The following AFAP1 variants were observed in gnomAD, a reference collection of about 807,000 sequenced individuals.
AFAP1 encodes actin filament-associated protein 1.
A neutral mutation model predicts 93.9 loss-of-function variants in AFAP1; 75 were observed. The ratio of observed to expected loss-of-function variants is 0.80; its 90% CI spans 0.66 to 0.97. AFAP1 has a LOEUF of 0.97. Ranked by LOEUF, AFAP1 falls within the 50% of genes least tolerant of loss-of-function variation. The pLI, the probability that AFAP1 is intolerant of heterozygous loss-of-function variation, is 0.00. For synonymous variants in AFAP1, 517 were observed against 430.7 expected (o/e 1.20, Z -2.48); for missense variants, 1,201 against 1,050.8 (o/e 1.14, Z -1.98).
At chr4:7,875,010 A>T (rs1474798544) in intron 1 of AFAP1, among the ~76,000 whole-genome samples, 1 of 152,204 alleles carries the variant, frequency 6.6e-6, no homozygotes, top group Non-Finnish European at 1.5e-5. Context: ...GAGACCAAAA[A>T]GTTTCAGATC....
At chr4:7,782,038 G>T (rs1716825003) in intron 12 of AFAP1, among the ~76,000 whole-genome samples, 1 of 152,226 alleles carries the variant, frequency 6.6e-6, no homozygotes, top group South Asian at 2.1e-4. Flanking sequence ...GGATGGAAGG[G>T]GAGGAATGAG....
At position 7,903,538 on chromosome 4, in the gene AFAP1, G is replaced by A. The variant is rs546576210; in HGVS notation, c.-2-31458C>T. ...TACTAAAAATACAAAAATTAGCTGG[G>A]CATGGTGGTGCACACCTGTAATCCC... On this transcript the variant is annotated intron_variant, in intron 1 of 17. Transcript: ENST00000420658. Among the ~76,000 whole-genome samples the A allele has an allele frequency of 1.2e-4, 19 of 152,318 alleles. 1 individual carries two copies. The highest frequency in any genetic ancestry group is 3.4e-3 in the Middle Eastern group (1 of 294).
At chr4:7,768,432 G>A (rs765611095) in intron 17 of AFAP1, among the ~76,000 whole-genome samples, 67 of 152,154 alleles carry the variant, frequency 4.4e-4, no homozygotes, top group Non-Finnish European at 6.5e-4. Flanking sequence ...AGGGGCTGGG[G>A]GAAAGCTTAT....
intron 1 of AFAP1, among the ~76,000 whole-genome samples, chr4:7,923,740 C>T (rs1046583717): frequency 6.6e-6 from 1 of 152,174 alleles, no homozygotes; most frequent in African/African-American, 2.4e-5. Flanking sequence ...GCTGGGATTA[C>T]AGGTGTGAGC....
At chr4:7,785,148 G>A (rs1466859270) in intron 12 of AFAP1, among the ~76,000 whole-genome samples, 1 of 152,124 alleles carries the variant, frequency 6.6e-6, no homozygotes, top group Non-Finnish European at 1.5e-5. Flanking sequence ...CCCAGGGCCG[G>A]GCACCGTGCC....
At position 7,786,302 on chromosome 4, in the gene AFAP1, G is replaced by A. The variant is rs1422913601; in HGVS notation, c.1422C>T (p.Asn474=). ...QTAKQTFCFM[N]RRVISANPYL... ...ATGGGTTAGCAGATATAACACGCCT[G>A]TTCATGAAACTGAAAGAAAGGAAAT... Residue 474 remains asparagine, a synonymous_variant, in exon 12 of 18, where the codon AAC becomes AAT. Coordinates refer to ENST00000420658, the MANE Select transcript of AFAP1 (RefSeq NM_001134647.2). 3 of 1,613,312 alleles carry A rather than the reference G, an allele frequency of 1.9e-6. No homozygotes were observed. The highest frequency in any genetic ancestry group is 8.5e-7 in the Non-Finnish European group (1 of 1,179,334).
At chr4:7,807,832 T>C (rs953743677) in intron 9 of AFAP1, among the ~76,000 whole-genome samples, 1 of 152,212 alleles carries the variant, frequency 6.6e-6, no homozygotes, top group East Asian at 1.9e-4. Flanking sequence ...GTGCACGCCA[T>C]AGTGCCTGCT....
intron 17 of AFAP1, among the ~76,000 whole-genome samples, chr4:7,766,700 C>T (rs572774330): frequency 5.7e-4 from 87 of 152,256 alleles, no homozygotes; most frequent in South Asian, 4.1e-3. Context: ...AGCAGCCCAG[C>T]GCCTGCCCCT....
chr4:7,794,760 A>G (rs942848052), intron 10 of AFAP1, among the ~76,000 whole-genome samples: 12 of 152,236 alleles, frequency 7.9e-5, no homozygotes, highest in African/African-American at 2.9e-4. Context: ...TCCCAGGCTC[A>G]AGCGATTCTC....
At chr4:7,791,187 G>A (rs1297391476) in intron 11 of AFAP1, among the ~76,000 whole-genome samples, 1 of 152,308 alleles carries the variant, frequency 6.6e-6, no homozygotes, top group Non-Finnish European at 1.5e-5. Context: ...ACACTTGAAA[G>A]GTCGTGTAAT....
At chr4:7,864,272 A>G (rs1716159133) in intron 3 of AFAP1, among the ~76,000 whole-genome samples, 1 of 152,220 alleles carries the variant, frequency 6.6e-6, no homozygotes, top group South Asian at 2.1e-4. Flanking sequence ...CAACGCTCCT[A>G]GTATAGCTGG....
chr4:7,850,746 C>G (rs561020210), intron 4 of AFAP1, among the ~76,000 whole-genome samples: 1 of 152,354 alleles, frequency 6.6e-6, no homozygotes, highest in South Asian at 2.1e-4. Flanking sequence ...TTGCTGCAGG[C>G]TCTCCCGCTT....
chr4:7,814,933 T>C (rs60189848), intron 8 of AFAP1, among the ~76,000 whole-genome samples: 6 of 152,252 alleles, frequency 3.9e-5, no homozygotes, highest in Non-Finnish European at 8.8e-5. Flanking sequence ...CCTGAAAAAG[T>C]AAGACAGGCT....
chr4:7,785,388 C>T (rs568263094), intron 12 of AFAP1, among the ~76,000 whole-genome samples: 9 of 152,242 alleles, frequency 5.9e-5, no homozygotes, highest in South Asian at 2.1e-4. Context: ...ATACAGATAG[C>T]GCTGTGCCAG....
intron 4 of AFAP1, among the ~76,000 whole-genome samples, chr4:7,847,167 G>C (rs374515111): frequency 6.6e-6 from 1 of 152,130 alleles, no homozygotes. Context: ...ACCCAAACAA[G>C]AGAACTCTCT....
At chr4:7,915,417 G>A (rs1297985809) in intron 1 of AFAP1, among the ~76,000 whole-genome samples, 3 of 151,772 alleles carry the variant, frequency 2.0e-5, no homozygotes, top group African/African-American at 7.3e-5. Flanking sequence ...TACTCAGAAC[G>A]CTGAGAAAGC....
intron 10 of AFAP1, among the ~76,000 whole-genome samples, chr4:7,795,629 G>T (rs927410619): frequency 1.3e-5 from 2 of 151,708 alleles, no homozygotes; most frequent in African/African-American, 4.8e-5. Context: ...TTTTCACTGT[G>T]TTAGCCAGGA....
chr4:7,831,630 G>A (rs1256157789), intron 6 of AFAP1, among the ~76,000 whole-genome samples: 1 of 152,202 alleles, frequency 6.6e-6, no homozygotes, highest in Non-Finnish European at 1.5e-5. Flanking sequence ...ATGACTTCAT[G>A]TCAGACCAGC....
chr4:7,848,104 GAAGGAAGGAAGGAAGGAAGGAAGGGAGT>G, intron 4 of AFAP1, among the ~76,000 whole-genome samples: 1 of 56,268 alleles, frequency 1.8e-5, no homozygotes, highest in Admixed American at 1.7e-4. Flanking sequence ...AGGAAAGAAG[GAAGGAAGGAAGGAAGGAAGGAAGGGAGT>G]GAGTGAGGGA....
Sources: allele counts gnomAD v4.1 joint callset (sites outside exome capture counted in the v4.1 genomes callset), GRCh38; gene constraint gnomAD v4.1.1; transcripts MANE v1.5; gene names NCBI Gene and HGNC (gene_info 2026-07-23, HGNC 2026-07-21).